RUBCN: variants seen among roughly 807,000 people sequenced by gnomAD.
RUBCN encodes the protein run domain Beclin-1-interacting and cysteine-rich domain-containing protein.
Under a neutral mutation model 113.2 loss-of-function variants are expected in RUBCN, and 74 were observed. The ratio of observed to expected loss-of-function variants is 0.65; its 90% CI spans 0.54 to 0.79. RUBCN has a LOEUF of 0.79. Among genes scored for constraint, RUBCN ranks in the 30% least tolerant of loss-of-function variants. The pLI is 0.00. For synonymous variants in RUBCN, 480 were observed against 490.0 expected (o/e 0.98, Z 0.27); for missense variants, 1,109 against 1,251.7 (o/e 0.89, Z 1.72).
intron 1 of RUBCN, among the ~76,000 whole-genome samples, chr3:197,736,192 C>T (rs1728101552): frequency 6.6e-6 from 1 of 152,178 alleles, no homozygotes; most frequent in Admixed American, 6.5e-5. Flanking sequence ...GCCTAAGCTT[C>T]TTCCGAGGCC....
At position 197,674,857 on chromosome 3, in the gene RUBCN, CACA is replaced by C; in HGVS notation, c.*158_*160del. ...CCATCAACCTGCCGACGGCTGACTG[CACA>C]CAGACGTCAGACAAGTCAGTAAAAA... is the stretch of plus-strand genomic sequence containing the variant. On this transcript the variant is annotated 3_prime_UTR_variant, in exon 20 of 20. Coordinates refer to ENST00000296343, the MANE Select transcript of RUBCN (RefSeq NM_014687.4). 6.6e-6 allele frequency: 4 copies of C among 603,286 alleles called. No individual in the cohort carries two copies. The highest frequency in any genetic ancestry group is 2.5e-5 in the South Asian group (1 of 39,454). The allele number at this position is 603,286 out of a possible 1,614,324, so 37.4% of individuals were successfully genotyped here.
At chr3:197,677,932 T>C (rs1266871890) in intron 16 of RUBCN, among the ~76,000 whole-genome samples, 2 of 139,996 alleles carry the variant, frequency 1.4e-5, no homozygotes, top group Admixed American at 7.2e-5. Flanking sequence ...ACAACTGGCT[T>C]CAGACTGTCC....
chr3:197,737,555 G>A (rs1259787585), upstream of RUBCN, among the ~76,000 whole-genome samples: 4 of 152,052 alleles, frequency 2.6e-5, no homozygotes, highest in East Asian at 7.7e-4. Context: ...TGGGTAGCCA[G>A]AGCTGGGAAG....
intron 2 of RUBCN, among the ~76,000 whole-genome samples, chr3:197,710,382 C>T (rs1159573346): frequency 6.6e-6 from 1 of 152,150 alleles, no homozygotes; most frequent in South Asian, 2.1e-4. Context: ...GGGTGGATCA[C>T]CTGAGGTCAG....
chr3:197,727,532 T>G (rs1035179889), intron 1 of RUBCN, among the ~76,000 whole-genome samples: 3 of 152,210 alleles, frequency 2.0e-5, no homozygotes, highest in Non-Finnish European at 2.9e-5. Flanking sequence ...TTGGACAGTC[T>G]GCAGCATAAT....
chr3:197,741,321 G>T (rs1477614904), upstream of RUBCN, among the ~76,000 whole-genome samples: 1 of 152,094 alleles, frequency 6.6e-6, no homozygotes, highest in Non-Finnish European at 1.5e-5. Flanking sequence ...AGCCAATTTT[G>T]CCAAATGACC....
intron 2 of RUBCN, among the ~76,000 whole-genome samples, chr3:197,717,317 G>C (rs964757201): frequency 6.6e-6 from 1 of 151,896 alleles, no homozygotes; most frequent in African/African-American, 2.4e-5. Context: ...GGTGGCGGGC[G>C]CCTGTAGTCC....
intron 7 of RUBCN, among the ~76,000 whole-genome samples, chr3:197,699,668 C>T (rs1723419536): frequency 6.6e-6 from 1 of 152,086 alleles, no homozygotes; most frequent in Non-Finnish European, 1.5e-5. Context: ...CAAGTTAAAT[C>T]ACATTCTTGA....
Position 197,718,023 on chromosome 3 carries a change from C to T in RUBCN, c.173G>A (p.Cys58Tyr), listed in dbSNP as rs754879190. 1.2e-6 allele frequency: 2 copies of T among 1,614,194 alleles called. No individual in the cohort carries two copies. The highest frequency in any genetic ancestry group is 1.7e-6 in the Non-Finnish European group (2 of 1,180,034). Residue 58 changes from cysteine (C) to tyrosine (Y), a missense_variant, in exon 2 of 20, where the codon TGC becomes TAC. Coordinates refer to ENST00000296343, the MANE Select transcript of RUBCN (RefSeq NM_014687.4). ...WSKYGGLERLCRDMQSILYHG... is the reference protein window; with the variant it reads ...WSKYGGLERLYRDMQSILYHG... Reference sequence around the variant, plus strand: ...ATAGAGGATGCTCTGCATGTCCCTGCAAAGCCGCTCCAAGCCACCATACTT... The same window carrying T: ...ATAGAGGATGCTCTGCATGTCCCTGTAAAGCCGCTCCAAGCCACCATACTT...
intron 11 of RUBCN, among the ~76,000 whole-genome samples, chr3:197,686,446 T>C (rs552810907): frequency 6.6e-6 from 1 of 152,182 alleles, no homozygotes; most frequent in Non-Finnish European, 1.5e-5. Context: ...GACCCCGGAC[T>C]GGAGGGAGAG....
intron 6 of RUBCN, 113 bp from the exon 7 acceptor site, chr3:197,701,259 A>C: frequency 1.1e-6 from 1 of 916,278 alleles, no homozygotes; most frequent in Non-Finnish European, 1.6e-6. Context: ...CGGCAAGCCA[A>C]ATAAAGTACA....
intron 18 of RUBCN, chr3:197,676,137 T>C (rs989296209): frequency 3.1e-6 from 3 of 965,278 alleles, no homozygotes; most frequent in African/African-American, 3.5e-5. Flanking sequence ...GTCATACAAA[T>C]TACCCCATCA....
chr3:197,686,169 G>A (rs988457742), intron 11 of RUBCN, among the ~76,000 whole-genome samples: 2 of 152,132 alleles, frequency 1.3e-5, no homozygotes, highest in African/African-American at 4.8e-5. Flanking sequence ...AGAACAGACA[G>A]GTGGTAATTC....
intron 1 of RUBCN, among the ~76,000 whole-genome samples, chr3:197,746,730 T>C (rs1728760938): frequency 6.6e-6 from 1 of 152,184 alleles, no homozygotes; most frequent in African/African-American, 2.4e-5. Context: ...TTATCTACAT[T>C]GTGTGAAACG....
chr3:197,728,571 G>C (rs891591656), intron 1 of RUBCN, among the ~76,000 whole-genome samples: 2 of 152,216 alleles, frequency 1.3e-5, no homozygotes, highest in Non-Finnish European at 2.9e-5. Context: ...ACTAGCATCT[G>C]CCCATCTGTA....
intron 11 of RUBCN, among the ~76,000 whole-genome samples, chr3:197,684,429 T>C (rs1215883049): frequency 1.3e-5 from 2 of 152,262 alleles, no homozygotes; most frequent in East Asian, 1.9e-4. Context: ...ACATTATGCA[T>C]AGCACTGAAA....
chr3:197,701,958 G>A, intron 5 of RUBCN, 94 bp from the exon 6 acceptor site: 4 of 1,184,304 alleles, frequency 3.4e-6, no homozygotes, highest in Non-Finnish European at 4.9e-6. Flanking sequence ...TGCCATAGAA[G>A]CTACCTTTGC....
At chr3:197,736,466 G>A (rs992958298) in intron 1 of RUBCN, among the ~76,000 whole-genome samples, 189 bp downstream of exon 1, 1 of 52,984 alleles carries the variant, frequency 1.9e-5, no homozygotes, top group African/African-American at 7.6e-5. Flanking sequence ...ACCCTAAGCC[G>A]GTTCCTTCGT....
chr3:197,749,091 A>G (rs574328494), intron 1 of RUBCN, among the ~76,000 whole-genome samples: 2 of 152,368 alleles, frequency 1.3e-5, no homozygotes, highest in South Asian at 2.1e-4. Flanking sequence ...AAGGAGAATG[A>G]GGTAAGAAGA....
Sources: allele counts gnomAD v4.1 joint callset (sites outside exome capture counted in the v4.1 genomes callset), GRCh38; gene constraint gnomAD v4.1.1; transcripts MANE v1.5; gene names NCBI Gene and HGNC (gene_info 2026-07-23, HGNC 2026-07-21).